The following TBC1D9B variants were observed in gnomAD, a reference collection of about 807,000 sequenced individuals.
The protein encoded by TBC1D9B is TBC1 domain family, member 9B (with GRAM domain).
In TBC1D9B, 87 loss-of-function variants were observed where a neutral mutation model predicts 121.1. The ratio of observed to expected loss-of-function variants is 0.72; its 90% confidence interval spans 0.60 to 0.86. The LOEUF is 0.86. Among genes scored for constraint, TBC1D9B ranks in the 40% least tolerant of loss-of-function variants. The pLI is 0.00. For missense variants in TBC1D9B, 1,540 were observed against 1,628.6 expected (o/e 0.95, Z 0.94); for synonymous variants, 668 against 670.1 (o/e 1.00, Z 0.05).
At chr5:179,867,620 C>T (rs1561632627) in intron 18 of TBC1D9B, 158 bp downstream of exon 18, 2 of 1,477,878 alleles carry the variant, frequency 1.4e-6, no homozygotes, top group South Asian at 1.2e-5. Flanking sequence ...CCCCCGCCAG[C>T]ATGGCAGAGC....
chr5:179,903,038 C>T (rs1037311825), intron 2 of TBC1D9B, among the ~76,000 whole-genome samples: 1 of 152,210 alleles, frequency 6.6e-6, no homozygotes, highest in African/African-American at 2.4e-5. Flanking sequence ...TGACCCTTCC[C>T]CTCCTGAAGC....
rs1457609114 is a variant in TBC1D9B at position 179,890,989 on chromosome 5, T to C, written c.1044+390A>G. Among the ~76,000 whole-genome samples the C allele has an allele frequency of 2.0e-5, 3 of 152,196 alleles. No individual in the cohort carries two copies. Among genetic ancestry groups the C allele is most frequent in the African/African-American group, 7.2e-5 (3 of 41,448 alleles). ...TCCAGAGAGGACTGGTGAGGTGGCC[T>C]CTGAGAGTGACATATGGGACCGGTG... is the stretch of plus-strand genomic sequence containing the variant. On this transcript the variant is annotated intron_variant, in intron 6 of 20. Transcript: ENST00000355235. The surrounding 1 kb of genome is among the most constrained non-coding windows in gnomAD (Gnocchi z 5.0).
Position 179,863,685 on chromosome 5 carries a change from G to A in TBC1D9B, c.3465C>T (p.Asp1155=), listed in dbSNP as rs755536613. 9.3e-6 allele frequency: 15 copies of A among 1,613,600 alleles called. No homozygotes were observed. The highest frequency in any genetic ancestry group is 3.3e-4 in the Middle Eastern group (2 of 6,084). ...TGSLQCEDLA[D]DTVLVGGEAC... is the part of the protein sequence containing the mutation. ...CCTCCCCGCCCACCAGCACCGTGTC[G>A]TCTGCAAGGTCTTCACATTGCAGGG... Residue 1155 remains aspartate, a synonymous_variant, in exon 21 of 21, where the codon GAC becomes GAT. Coordinates refer to ENST00000355235, the MANE Select transcript of TBC1D9B (RefSeq NM_015043.4). The surrounding 1 kb of genome is among the most constrained non-coding windows in gnomAD (Gnocchi z 4.5).
Position 179,904,242 on chromosome 5 carries a change from T to TTTTTTG in TBC1D9B, c.229+459_229+460insCAAAAA, listed in dbSNP as rs1761242723. Among the ~76,000 whole-genome samples, 1 of 147,974 alleles carries TTTTTTG rather than the reference T, an allele frequency of 6.8e-6. No homozygotes were observed. The highest frequency in any genetic ancestry group is 2.5e-5 in the African/African-American group (1 of 39,848). The stretch of plus-strand genomic sequence containing the variant: ...TGCCTTTTTTTTTTTTTTTTTTTTT[T>TTTTTTG]GAGACGGAATCTCGCTGTGTCGCCC... On this transcript the variant is annotated intron_variant, in intron 2 of 20. Transcript: ENST00000355235. The surrounding 1 kb of genome is among the most constrained non-coding windows in gnomAD (Gnocchi z 4.2).
chr5:179,877,273 G>A (rs115582630), intron 10 of TBC1D9B, among the ~76,000 whole-genome samples: 1,770 of 151,710 alleles, frequency 0.012, 36 homozygotes, highest in African/African-American at 0.038. Context: ...GGCTGAGACC[G>A]GAAGATCCCC....
At chr5:179,903,071 C>CA (rs772553682) in intron 2 of TBC1D9B, among the ~76,000 whole-genome samples, 1 of 152,182 alleles carries the variant, frequency 6.6e-6, no homozygotes, top group South Asian at 2.1e-4. Context: ...GTGAGGTTGA[C>CA]AAACTTTTGA....
At chr5:179,903,399 T>G (rs1376951868) in intron 2 of TBC1D9B, among the ~76,000 whole-genome samples, 1 of 152,194 alleles carries the variant, frequency 6.6e-6, no homozygotes, top group Non-Finnish European at 1.5e-5. Context: ...GGGACTTCCC[T>G]CCGCACTCTT....
At position 179,862,552 on chromosome 5, in the gene TBC1D9B, C is replaced by G. The variant is rs1759875366; in HGVS notation, c.*896G>C. 2.2e-6 allele frequency: 1 copy of G among 456,492 alleles called. No homozygotes were observed. The highest frequency in any genetic ancestry group is 2.0e-5 in the African/African-American group (1 of 50,196). The allele number at this position is 456,492 out of a possible 1,614,324, so 28.3% of individuals were successfully genotyped here. A position where few individuals can be genotyped will look rare whatever the true frequency, so the allele number is the denominator to read the frequency against. ...CCTGATGCAGGTTGGTCAGGACCTG[C>G]CCAGCTTGCACCAGCAGGTTCTGCG... On this transcript the variant is annotated 3_prime_UTR_variant, in exon 21 of 21. Coordinates refer to ENST00000355235, the MANE Select transcript of TBC1D9B (RefSeq NM_015043.4).
At chr5:179,871,585 A>T (rs369389061) in intron 14 of TBC1D9B, 55 bp from the exon 15 acceptor site, 235 of 1,571,696 alleles carry the variant, frequency 1.5e-4, no homozygotes, top group Non-Finnish European at 1.9e-4. Flanking sequence ...CTGGCACAGA[A>T]GTACGGCACT....
chr5:179,867,138 G>A (rs2113601325), intron 18 of TBC1D9B: 2 of 305,004 alleles, frequency 6.6e-6, no homozygotes, highest in Admixed American at 4.4e-5. Context: ...TCTTTCACAC[G>A]CTCCAATGAC....
rs370012688 is a variant in TBC1D9B at position 179,876,042 on chromosome 5, C to T, written c.1783-5G>A. ...CGAGGTCACGATGTTCATTGCCTGC[C>T]GGGCACAGAGACAGCCGGGGAAGGC... is the stretch of plus-strand genomic sequence containing the variant. On this transcript the variant is annotated splice_region_variant and splice_polypyrimidine_tract_variant and intron_variant, in intron 10 of 20. Transcript: ENST00000355235. 6.4e-5 allele frequency: 103 copies of T among 1,611,202 alleles called. No individual in the cohort carries two copies. The highest frequency in any genetic ancestry group is 7.9e-5 in the Non-Finnish European group (93 of 1,178,810).
At chr5:179,901,958 C>T (rs1000965160) in intron 2 of TBC1D9B, among the ~76,000 whole-genome samples, 2 of 152,140 alleles carry the variant, frequency 1.3e-5, no homozygotes, top group Admixed American at 1.3e-4. Context: ...ATTTCATTCT[C>T]AGAACACAGT....
intron 15 of TBC1D9B, among the ~76,000 whole-genome samples, chr5:179,870,946 C>G (rs778915656): frequency 1.1e-4 from 17 of 152,216 alleles, no homozygotes; most frequent in African/African-American, 4.1e-4. Context: ...GCAACAACAA[C>G]AGAAAGGCAG....
intron 10 of TBC1D9B, among the ~76,000 whole-genome samples, chr5:179,877,142 T>C (rs887994763): frequency 6.7e-6 from 1 of 150,046 alleles, no homozygotes; most frequent in Admixed American, 6.6e-5. Flanking sequence ...CCCAGCACTT[T>C]GAGAGGCTGA....
At position 179,891,761 on chromosome 5, in the gene TBC1D9B, C is replaced by G. The variant is rs1057370742; in HGVS notation, c.837-175G>C. On this transcript the variant is annotated intron_variant, in intron 5 of 20. Transcript: ENST00000355235. This position sits in a 1 kb window ranked among gnomAD's most constrained non-coding sequence, Gnocchi z 4.3. ...CTCAGAGTTCAATAAAAGATGCATG[C>G]TGAGTGAGCAGGCAGAAGGTGAGAC... Among the ~76,000 whole-genome samples the G allele has an allele frequency of 6.6e-6, 1 of 152,138 alleles. No homozygotes were observed. The highest frequency in any genetic ancestry group is 2.4e-5 in the African/African-American group (1 of 41,422).
In TBC1D9B at chr5:179,904,557, C is replaced by T. The variant is rs937825319; in HGVS notation, c.229+145G>A. 11 of 734,856 alleles carry T rather than the reference C, an allele frequency of 1.5e-5. No individual in the cohort carries two copies. In the African/African-American group the frequency reaches 2.0e-4, roughly 14 times the overall value. The allele number at this position is 734,856 out of a possible 1,614,324, so 45.5% of individuals were successfully genotyped here. On this transcript the variant is annotated intron_variant, in intron 2 of 20. Coordinates refer to ENST00000355235, the MANE Select transcript of TBC1D9B (RefSeq NM_015043.4). The surrounding 1 kb of genome is among the most constrained non-coding windows in gnomAD (Gnocchi z 4.2). ...TGCCTTTCTAAGATGGAAGCGAAGG[C>T]TCCTCCACTTCCCTCTTGCAGCCTT...
intron 17 of TBC1D9B, chr5:179,868,135 TAC>T: frequency 4.1e-6 from 1 of 243,044 alleles, no homozygotes; most frequent in East Asian, 7.4e-5. Flanking sequence ...CCTACTGGGC[TAC>T]AGTGATTCTC....
chr5:179,895,746 T>C lies in TBC1D9B; in HGVS notation c.349-1132A>G, dbSNP rs1217547996. On this transcript the variant is annotated intron_variant, in intron 3 of 20. Transcript: ENST00000355235. ...TGGTGGCTGGGCCACCCCCGATCCC[T>C]CTGTCCATGGGCAGTGAGGACAGCC... Among the ~76,000 whole-genome samples, 5 of 152,230 alleles carry C rather than the reference T, an allele frequency of 3.3e-5. No individual in the cohort carries two copies. In the East Asian group the frequency reaches 9.6e-4, roughly 29 times the overall value.
At chr5:179,872,475 G>A (rs989790604) in intron 14 of TBC1D9B, 5 of 200,276 alleles carry the variant, frequency 2.5e-5, no homozygotes, top group Non-Finnish European at 5.1e-5. Context: ...TGCAGCACAG[G>A]GTGGCAGGGA....
Sources: gnomAD v4.1 joint callset for allele counts (sites outside exome capture counted in the v4.1 genomes callset) on GRCh38, gnomAD v4.1.1 for gene constraint, Gnocchi (gnomAD v3.1) non-coding constraint, MANE v1.5 for transcripts, NCBI Gene and HGNC (gene_info 2026-07-23, HGNC 2026-07-21) for gene names.